Variants in CEP95 observed in about 807,000 individuals in gnomAD.
The protein encoded by CEP95 is centrosomal protein of 95 kDa.
Under a neutral mutation model 111.2 loss-of-function variants are expected in CEP95, and 98 were observed. That is an observed-to-expected ratio of 0.88 (90% CI 0.75 to 1.04). CEP95 has a LOEUF of 1.04. CEP95 is among the 50% of genes least tolerant of loss of function. CEP95 has a pLI of 0.00. For synonymous variants in CEP95, 323 were observed against 327.1 expected, an observed-to-expected ratio of 0.99 and a Z score of 0.14; for missense variants, 1,027 against 977.2, an observed-to-expected ratio of 1.05 and a Z score of -0.68.
Position 64,537,923 on chromosome 17 carries a change from TTAAA to T in CEP95, c.*149_*152del. ...TCATTCCAGTACTTTTTATGATTTTTTAAATAAAAATTGTTTTCTAAAAGCTTAT... is the reference window on the plus strand; with the variant it reads ...TCATTCCAGTACTTTTTATGATTTTTTAAAAATTGTTTTCTAAAAGCTTAT... On this transcript the variant is annotated 3_prime_UTR_variant, in exon 20 of 20. Coordinates refer to ENST00000556440, the MANE Select transcript of CEP95 (RefSeq NM_138363.3). 2.2e-6 allele frequency: 1 copy of T among 460,222 alleles called. No homozygotes were observed. The highest frequency in any genetic ancestry group is 3.6e-6 in the Non-Finnish European group (1 of 279,300). The allele number at this position is 460,222 out of a possible 1,614,324, so 28.5% of individuals were successfully genotyped here. A position where few individuals can be genotyped will look rare whatever the true frequency, so the allele number is the denominator to read the frequency against.
At chr17:64,530,879 T>G in intron 12 of CEP95, 47 bp from the exon 13 acceptor site, 2 of 1,115,796 alleles carry the variant, frequency 1.8e-6, no homozygotes, top group Non-Finnish European at 2.6e-6. Context: ...GTGCTGCCCG[T>G]TGTGTATGTT....
chr17:64,516,522 A>G (rs1302599261), intron 4 of CEP95, among the ~76,000 whole-genome samples: 2 of 152,204 alleles, frequency 1.3e-5, no homozygotes, highest in Admixed American at 6.5e-5. Flanking sequence ...TTTTAAAGCA[A>G]TATTCTTGTT....
rs1472053840 is a variant in CEP95, at chr17:64,518,317, TC to T, written c.474-1003del. 3.3e-5 allele frequency among the ~76,000 whole-genome samples: 5 copies of T among 152,356 alleles called. 1 individual carries two copies. The highest frequency in any genetic ancestry group is 1.2e-4 in the African/African-American group (5 of 41,578). On this transcript the variant is annotated intron_variant, in intron 5 of 19. Transcript: ENST00000556440. Reference sequence around the variant, plus strand: ...CAAAAACGTGATACTTAATGTTTATTCTTTTTTTCCTCATATCTTGAGGCTA... The same window carrying T: ...CAAAAACGTGATACTTAATGTTTATTTTTTTTTCCTCATATCTTGAGGCTA...
Position 64,537,372 on chromosome 17 carries a change from G to A in CEP95, c.2290-231G>A, listed in dbSNP as rs1475451989. ...ATTTTTAGGAAGTAGAAAACCAAATGTATTATACCTGTAAAGGGAATGGAG... is the reference window on the plus strand; with the variant it reads ...ATTTTTAGGAAGTAGAAAACCAAATATATTATACCTGTAAAGGGAATGGAG... On this transcript the variant is annotated intron_variant, in intron 19 of 19. Transcript: ENST00000556440. The A allele has an allele frequency of 4.3e-6, 6 of 1,399,318 alleles. No individual in the cohort carries two copies. In the African/African-American group the frequency reaches 5.8e-5, roughly 14 times the overall value. The allele number at this position is 1,399,318 out of a possible 1,614,324, so 86.7% of individuals were successfully genotyped here.
chr17:64,512,028 A>C lies in CEP95; in HGVS notation c.256+1748A>C, dbSNP rs1027310828. On this transcript the variant is annotated intron_variant, in intron 3 of 19. Transcript: ENST00000556440. ...AAATGTCCATTAGTAGGGATTGGTT[A>C]GATAAATCATGATAGCTGCATACAG... Among the ~76,000 whole-genome samples the C allele has an allele frequency of 3.9e-5, 6 of 152,364 alleles. No individual in the cohort carries two copies. The South Asian group carries it at 1.0e-3, about 26-fold the overall frequency.
chr17:64,514,350 A>G lies in CEP95; in HGVS notation c.359A>G (p.His120Arg), dbSNP rs376967499. Residue 120 changes from histidine to arginine, a missense_variant, in exon 4 of 20, where the codon CAT becomes CGT. Transcript: ENST00000556440. ...ACAGAACGCATCAGTGAAACATCTC[A>G]TGAGAAAAGTAAGTTTAAGAATGGA... is the stretch of plus-strand genomic sequence containing the variant. ...YLTERISETS[H>R]EKSETEQYFK... The G allele has an allele frequency of 2.9e-5, 42 of 1,439,736 alleles. No homozygotes were observed. The highest frequency in any genetic ancestry group is 3.7e-5 in the Non-Finnish European group (39 of 1,045,840). 89.2% of individuals were successfully genotyped at this position (1,439,736 alleles called of 1,614,324 possible).
At chr17:64,514,107 A>T (rs1196687639) in intron 3 of CEP95, 141 bp from the exon 4 acceptor site, 2 of 439,170 alleles carry the variant, frequency 4.6e-6, no homozygotes, top group Non-Finnish European at 8.3e-6. Context: ...TTTTTTATTT[A>T]ATCTCCAAGG....
intron 12 of CEP95, 28 bp downstream of exon 12, chr17:64,529,455 A>C: frequency 6.2e-7 from 1 of 1,611,092 alleles, no homozygotes; most frequent in Non-Finnish European, 8.5e-7. Flanking sequence ...GACTACCATT[A>C]AGCAGCAGCC....
rs1555681135 is a variant in CEP95, at chr17:64,534,637, AAG to A, written c.1972_1973del (p.Glu658LysfsTer13). ...CAAAGGTTGACCCAATCAAAGATAA[AAG>A]AAAATCGACAGCAAATCGTTCGTGC... On this transcript the variant is annotated frameshift_variant, in exon 17 of 20. Transcript: ENST00000556440. LOFTEE classifies it high-confidence loss of function. The A allele has an allele frequency of 6.2e-7, 1 of 1,613,812 alleles. No homozygotes were observed. The highest frequency in any genetic ancestry group is 1.3e-5 in the African/African-American group (1 of 74,934).
At chr17:64,506,956 T>C (rs2038565880), upstream of CEP95, 1 of 879,312 alleles carries the variant, frequency 1.1e-6, no homozygotes, top group Non-Finnish European at 1.9e-6. Flanking sequence ...TCTTTTAACG[T>C]CCGTCCTTCT....
At chr17:64,530,772 C>G (rs115411047) in intron 12 of CEP95, among the ~76,000 whole-genome samples, 154 bp from the exon 13 acceptor site, 7 of 152,158 alleles carry the variant, frequency 4.6e-5, no homozygotes, top group African/African-American at 1.7e-4. Context: ...CCTCACCGCA[C>G]GCGGCTAAGA....
intron 8 of CEP95, among the ~76,000 whole-genome samples, chr17:64,525,062 C>T (rs1049221692): frequency 6.6e-6 from 1 of 151,766 alleles, no homozygotes; most frequent in African/African-American, 2.4e-5. Context: ...TAAATTTAGC[C>T]GGACACGGTA....
intron 17 of CEP95, chr17:64,535,276 G>A (rs139687556): frequency 1.5e-3 from 236 of 160,200 alleles, no homozygotes; most frequent in African/African-American, 5.2e-3. Context: ...TGAGGAGAGC[G>A]TAAGTAACTT....
At position 64,521,536 on chromosome 17, in the gene CEP95, T is replaced by C. The variant is rs1473878615; in HGVS notation, c.715+9T>C. 6.2e-7 allele frequency: 1 copy of C among 1,606,540 alleles called. No individual in the cohort carries two copies. The highest frequency in any genetic ancestry group is 1.3e-5 in the African/African-American group (1 of 74,768). On this transcript the variant is annotated intron_variant, in intron 7 of 19. Coordinates refer to ENST00000556440, the MANE Select transcript of CEP95 (RefSeq NM_138363.3). ...ATCCTTTGTTGAAGACAGTGAGTTG[T>C]AATGGATGTTAGTTCTTTACTGCTG...
In CEP95 at chr17:64,525,937, A is replaced by G. The variant is rs148016891; in HGVS notation, c.1022+55A>G. 3,455 of 1,477,114 alleles carry G rather than the reference A, an allele frequency of 2.3e-3. 74 individuals carry two copies. In the African/African-American group the frequency reaches 0.043, roughly 19 times the overall value. 91.5% of individuals were successfully genotyped at this position (1,477,114 alleles called of 1,614,324 possible). A position where few individuals can be genotyped will look rare whatever the true frequency, so the allele number is the denominator to read the frequency against. On this transcript the variant is annotated intron_variant, in intron 9 of 19. Coordinates refer to ENST00000556440, the MANE Select transcript of CEP95 (RefSeq NM_138363.3). ...AGTCTGTTTACAAAGGAATTTGAAA[A>G]TGCAGGGGCATGATCTCCAAATTTA...
chr17:64,532,089 G>A, intron 14 of CEP95, 67 bp downstream of exon 14: 1 of 1,460,722 alleles, frequency 6.8e-7, no homozygotes, highest in Non-Finnish European at 9.0e-7. Flanking sequence ...AACATTCCAA[G>A]GACACAGCAC....
At chr17:64,511,132 G>A (rs1331848597) in intron 3 of CEP95, among the ~76,000 whole-genome samples, 2 of 152,158 alleles carry the variant, frequency 1.3e-5, no homozygotes, top group African/African-American at 2.4e-5. Flanking sequence ...GGCAAATGGA[G>A]GCAGGGCGAG....
chr17:64,519,092 CTA>C (rs1429660045), intron 5 of CEP95, among the ~76,000 whole-genome samples: 2 of 152,318 alleles, frequency 1.3e-5, no homozygotes, highest in South Asian at 2.1e-4. Context: ...CTCCCACACC[CTA>C]GAGTCACCAG....
chr17:64,530,114 T>G (rs1211676862), intron 12 of CEP95, among the ~76,000 whole-genome samples: 1 of 152,162 alleles, frequency 6.6e-6, no homozygotes, highest in Non-Finnish European at 1.5e-5. Context: ...TGTAGAGATT[T>G]GTGAGGCAGG....
Sources: allele counts gnomAD v4.1 joint callset (sites outside exome capture counted in the v4.1 genomes callset), GRCh38; gene constraint gnomAD v4.1.1; transcripts MANE v1.5; gene names NCBI Gene and HGNC (gene_info 2026-07-23, HGNC 2026-07-21).